Variants in MTA3 observed in about 807,000 individuals in gnomAD.
The protein encoded by MTA3 is metastasis associated 1 family member 3, also known as metastasis-associated protein MTA3.
In MTA3, 34 loss-of-function variants were observed where a neutral mutation model predicts 83.5. That is an observed-to-expected ratio of 0.41 (90% CI 0.31 to 0.54). MTA3 has a LOEUF of 0.54. MTA3 is among the 20% of genes least tolerant of loss of function. The pLI, the probability that MTA3 is intolerant of heterozygous loss-of-function variation, is 0.33. For missense variants in MTA3, 761 were observed against 726.4 expected (o/e 1.05, Z -0.55); for synonymous variants, 303 against 252.7 (o/e 1.20, Z -1.89).
intron 11 of MTA3, chr2:42,703,007 T>C (rs1213074083): frequency 6.6e-6 from 1 of 152,268 alleles, no homozygotes; most frequent in Non-Finnish European, 1.5e-5. Context: ...CAGGCTGGAG[T>C]GGAGTACAGT....
intron 2 of MTA3, among the ~76,000 whole-genome samples, chr2:42,515,620 A>G (rs1338707887): frequency 6.6e-6 from 1 of 151,642 alleles, no homozygotes; most frequent in Non-Finnish European, 1.5e-5. Context: ...CTCCTGCCTC[A>G]GCCTTCTGAG....
chr2:42,623,839 C>T (rs577606527), intron 4 of MTA3, among the ~76,000 whole-genome samples: 3 of 151,970 alleles, frequency 2.0e-5, no homozygotes, highest in South Asian at 2.1e-4. Flanking sequence ...TACAGGTGTG[C>T]GCCACTACAC....
chr2:42,715,406 C>T (rs369257565), intron 14 of MTA3, among the ~76,000 whole-genome samples: 1 of 104,168 alleles, frequency 9.6e-6, no homozygotes, highest in Non-Finnish European at 1.9e-5. Flanking sequence ...CCACCAACTA[C>T]TTTTTTTTTT....
At chr2:42,682,750 A>G (rs988303345) in intron 9 of MTA3, 161 bp downstream of exon 9, 2 of 675,778 alleles carry the variant, frequency 3.0e-6, no homozygotes, top group Admixed American at 2.8e-5. Context: ...AGAAACTGAT[A>G]ATTGTTTGGA....
At chr2:42,583,979 G>A (rs2047309) in intron 3 of MTA3, among the ~76,000 whole-genome samples, 114,773 of 151,588 alleles carry the variant, frequency 0.76, 43,911 homozygotes, top group Middle Eastern at 0.88. Flanking sequence ...GAGTAGTTGG[G>A]AGTACAGGCA....
chr2:42,686,119 C>A (rs1360125075), intron 9 of MTA3, among the ~76,000 whole-genome samples: 2 of 152,076 alleles, frequency 1.3e-5, no homozygotes, highest in African/African-American at 4.8e-5. Flanking sequence ...TGGTTTCATC[C>A]CACTACCCAA....
chr2:42,655,891 C>CCGCA (rs1457806621), intron 6 of MTA3, among the ~76,000 whole-genome samples: 13 of 152,246 alleles, frequency 8.5e-5, no homozygotes, highest in African/African-American at 3.1e-4. Flanking sequence ...GTGCAGGCCA[C>CCGCA]CGCACCCAGC....
intron 5 of MTA3, among the ~76,000 whole-genome samples, chr2:42,641,196 T>A (rs915758124): frequency 7.3e-5 from 11 of 150,806 alleles, no homozygotes; most frequent in Admixed American, 2.0e-4. Flanking sequence ...CATGAGCCAC[T>A]GTGCCTGGCC....
chr2:42,630,948 G>A (rs2104253977), intron 4 of MTA3, among the ~76,000 whole-genome samples: 1 of 152,240 alleles, frequency 6.6e-6, no homozygotes, highest in South Asian at 2.1e-4. Context: ...AAAATAAATA[G>A]TAGTGCTAAC....
At chr2:42,686,195 G>A (rs1311422939) in intron 9 of MTA3, among the ~76,000 whole-genome samples, 1 of 152,112 alleles carries the variant, frequency 6.6e-6, no homozygotes, top group Non-Finnish European at 1.5e-5. Context: ...ATATATTATT[G>A]TGTGTTTGTA....
At chr2:42,542,335 C>A (rs1572952637) in intron 2 of MTA3, among the ~76,000 whole-genome samples, 1 of 151,998 alleles carries the variant, frequency 6.6e-6, no homozygotes, top group Non-Finnish European at 1.5e-5. Flanking sequence ...ACGTTATAAT[C>A]CTATGGAGAA....
chr2:42,516,463 G>A (rs1204787837), intron 2 of MTA3, among the ~76,000 whole-genome samples: 1 of 152,138 alleles, frequency 6.6e-6, no homozygotes, highest in Non-Finnish European at 1.5e-5. Flanking sequence ...TAGGTGTCCA[G>A]GTTACTCCTT....
intron 4 of MTA3, among the ~76,000 whole-genome samples, chr2:42,635,465 T>G (rs1165473059): frequency 6.6e-6 from 1 of 151,964 alleles, no homozygotes. Context: ...CCGTCTTTAC[T>G]AAAAATACAA....
intron 2 of MTA3, among the ~76,000 whole-genome samples, chr2:42,518,687 A>G (rs1304640135): frequency 2.0e-5 from 3 of 152,100 alleles, no homozygotes; most frequent in Non-Finnish European, 4.4e-5. Context: ...TCCAAAGAAT[A>G]TAGTATAGGC....
intron 12 of MTA3, 58 bp from the exon 13 acceptor site, chr2:42,707,845 G>T: frequency 7.1e-7 from 1 of 1,412,358 alleles, no homozygotes; most frequent in African/African-American, 1.4e-5. Context: ...ATTATTTTGT[G>T]TTGATGTTAC....
intron 16 of MTA3, among the ~76,000 whole-genome samples, chr2:42,749,054 C>A (rs190129525): frequency 1.9e-4 from 29 of 152,334 alleles, no homozygotes; most frequent in Middle Eastern, 3.4e-3. Flanking sequence ...CTGCTCGGCT[C>A]CTTGAGCCTT....
chr2:42,571,317 G>T (rs1021424073), intron 2 of MTA3, among the ~76,000 whole-genome samples: 3 of 150,566 alleles, frequency 2.0e-5, no homozygotes, highest in African/African-American at 7.3e-5. Flanking sequence ...GAGAATCCAG[G>T]TGGAGGTTGC....
At chr2:42,530,805 T>G (rs1466506671) in intron 2 of MTA3, among the ~76,000 whole-genome samples, 1 of 151,936 alleles carries the variant, frequency 6.6e-6, no homozygotes, top group African/African-American at 2.4e-5. Context: ...AAAAAGAAAC[T>G]TAATCCCCAT....
intron 8 of MTA3, among the ~76,000 whole-genome samples, chr2:42,676,836 T>C (rs948677450): frequency 6.6e-6 from 1 of 152,200 alleles, no homozygotes; most frequent in African/African-American, 2.4e-5. Context: ...ATCTTTTAGT[T>C]TTTTCATTTA....
Sources: allele counts gnomAD v4.1 joint callset (sites outside exome capture counted in the v4.1 genomes callset), GRCh38; gene constraint gnomAD v4.1.1; transcripts MANE v1.5; gene names NCBI Gene and HGNC (gene_info 2026-07-23, HGNC 2026-07-21).